The following TMCC3 variants were observed in gnomAD, a reference collection of about 807,000 sequenced individuals.
The protein encoded by TMCC3 is transmembrane and coiled-coil domain protein 3.
A neutral mutation model predicts 40.2 loss-of-function variants in TMCC3; 28 were observed. The observed-to-expected ratio is 0.70, with a 90% CI of 0.52 to 0.95. The LOEUF (loss-of-function observed/expected upper bound fraction) is 0.95. TMCC3 is among the 40% of genes least tolerant of loss of function. The pLI, the probability that TMCC3 is intolerant of heterozygous loss-of-function variation, is 0.00. For synonymous variants in TMCC3, 255 were observed against 248.5 expected, an observed-to-expected ratio of 1.03 and a Z score of -0.25; for missense variants, 554 against 615.2, an observed-to-expected ratio of 0.90 and a Z score of 1.05.
intron 1 of TMCC3, among the ~76,000 whole-genome samples, chr12:94,593,319 A>G (rs552920715): frequency 4.0e-5 from 6 of 149,744 alleles, no homozygotes; most frequent in African/African-American, 1.5e-4. Flanking sequence ...GTGAGCCAAG[A>G]CTGTGCCACT....
intron 1 of TMCC3, among the ~76,000 whole-genome samples, chr12:94,603,873 CAATG>C (rs1456988790): frequency 9.2e-5 from 14 of 151,908 alleles, no homozygotes; most frequent in Middle Eastern, 3.4e-3. Context: ...TACAAATGCA[CAATG>C]AATAAATGTT....
chr12:94,595,738 T>C (rs564742725), intron 1 of TMCC3, among the ~76,000 whole-genome samples: 71 of 152,334 alleles, frequency 4.7e-4, no homozygotes, highest in African/African-American at 1.4e-3. Flanking sequence ...CCTTTTGCAA[T>C]GCTGAAGCTA....
At chr12:94,590,824 G>A in intron 1 of TMCC3, 1 of 508,410 alleles carries the variant, frequency 2.0e-6, no homozygotes, top group South Asian at 1.7e-5. Context: ...CTGAAACATG[G>A]GGGACGATGT....
At chr12:94,625,883 T>G (rs1006558409) in intron 1 of TMCC3, among the ~76,000 whole-genome samples, 2 of 152,222 alleles carry the variant, frequency 1.3e-5, no homozygotes, top group Non-Finnish European at 2.9e-5. Context: ...TTTGAGATTT[T>G]CATAATAAAA....
chr12:94,620,978 AAAAAGAACAC>A (rs1323054947), intron 1 of TMCC3, among the ~76,000 whole-genome samples: 1 of 151,256 alleles, frequency 6.6e-6, no homozygotes, highest in African/African-American at 2.4e-5. Flanking sequence ...CCTAAACCTT[AAAAAGAACAC>A]AAAATCCTTC....
chr12:94,576,485 T>C (rs1193844882), intron 3 of TMCC3, among the ~76,000 whole-genome samples: 2 of 151,908 alleles, frequency 1.3e-5, no homozygotes, highest in African/African-American at 4.8e-5. Context: ...GCTTGAAGAG[T>C]ACTTTTTTAA....
intron 1 of TMCC3, among the ~76,000 whole-genome samples, chr12:94,645,151 T>G (rs1416305458): frequency 6.6e-6 from 1 of 152,166 alleles, no homozygotes; most frequent in Non-Finnish European, 1.5e-5. Flanking sequence ...ACACAGAAGG[T>G]GCTCAGTAAG....
intron 1 of TMCC3, among the ~76,000 whole-genome samples, chr12:94,634,006 T>C (rs923265634): frequency 1.3e-5 from 2 of 151,718 alleles, no homozygotes; most frequent in Non-Finnish European, 2.9e-5. Context: ...AGTACAATGG[T>C]GTGACCTCAG....
At chr12:94,628,643 G>A (rs866561256) in intron 1 of TMCC3, among the ~76,000 whole-genome samples, 1 of 152,188 alleles carries the variant, frequency 6.6e-6, no homozygotes, top group African/African-American at 2.4e-5. Flanking sequence ...GTGCAACAGC[G>A]AGATGGACCC....
At chr12:94,631,497 C>T (rs182324146) in intron 1 of TMCC3, among the ~76,000 whole-genome samples, 44 of 152,136 alleles carry the variant, frequency 2.9e-4, no homozygotes, top group African/African-American at 9.4e-4. Flanking sequence ...AGGAGAAAGA[C>T]GGCCACCTAC....
In TMCC3 at chr12:94,569,735, T is replaced by C. The variant is rs1288817094; in HGVS notation, c.*1700A>G. On this transcript the variant is annotated 3_prime_UTR_variant, in exon 4 of 4. Transcript: ENST00000261226. Reference sequence around the variant, plus strand: ...TCAACGATTCCATTCTCTCAGACTATGGAACATTCTGTCACATTTTTTTCC... The same window carrying C: ...TCAACGATTCCATTCTCTCAGACTACGGAACATTCTGTCACATTTTTTTCC... 3.9e-5 allele frequency: 6 copies of C among 152,306 alleles called. No individual in the cohort carries two copies. The highest frequency in any genetic ancestry group is 7.4e-5 in the Non-Finnish European group (5 of 68,022). 9.4% of individuals were successfully genotyped at this position (152,306 alleles called of 1,614,324 possible). A position where few individuals can be genotyped will look rare whatever the true frequency, so the allele number is the denominator to read the frequency against.
intron 1 of TMCC3, among the ~76,000 whole-genome samples, chr12:94,596,877 C>T (rs1594278748): frequency 6.6e-6 from 1 of 152,004 alleles, no homozygotes; most frequent in African/African-American, 2.4e-5. Context: ...TCAAAACAGA[C>T]CGAACCACGA....
intron 1 of TMCC3, among the ~76,000 whole-genome samples, chr12:94,583,152 A>G (rs2068617033): frequency 6.7e-6 from 1 of 149,378 alleles, no homozygotes; most frequent in South Asian, 2.2e-4. Context: ...GTATTTAGAT[A>G]TGGAAACAAC....
chr12:94,587,442 C>T (rs575826753), intron 1 of TMCC3, among the ~76,000 whole-genome samples: 1 of 152,306 alleles, frequency 6.6e-6, no homozygotes, highest in East Asian at 1.9e-4. Flanking sequence ...AGCCCAAGGG[C>T]TCCGGAAACA....
intron 1 of TMCC3, among the ~76,000 whole-genome samples, chr12:94,599,349 T>C (rs907044118): frequency 6.6e-6 from 1 of 152,096 alleles, no homozygotes; most frequent in African/African-American, 2.4e-5. Context: ...TCACCATCAT[T>C]AAGCTCTTTC....
chr12:94,621,464 T>G (rs570962614), intron 1 of TMCC3, among the ~76,000 whole-genome samples: 4 of 152,300 alleles, frequency 2.6e-5, no homozygotes, highest in African/African-American at 7.2e-5. Context: ...TCCAAGTAGT[T>G]TGAAACTATT....
intron 1 of TMCC3, among the ~76,000 whole-genome samples, chr12:94,618,614 T>A (rs1322354250): frequency 6.6e-6 from 1 of 152,170 alleles, no homozygotes; most frequent in Non-Finnish European, 1.5e-5. Flanking sequence ...GCCTCAAGCA[T>A]GACCAGTTTG....
At chr12:94,588,948 C>T (rs967689417) in intron 1 of TMCC3, among the ~76,000 whole-genome samples, 2 of 151,966 alleles carry the variant, frequency 1.3e-5, no homozygotes, top group Admixed American at 6.6e-5. Flanking sequence ...CTCAGCCTCC[C>T]GAGTAGCTGG....
At chr12:94,572,035 C>T (rs556736435) in intron 3 of TMCC3, among the ~76,000 whole-genome samples, 1 of 152,284 alleles carries the variant, frequency 6.6e-6, no homozygotes, top group South Asian at 2.1e-4. Context: ...TAGTCTTGCT[C>T]TGTCGCCAGG....
Sources: allele counts gnomAD v4.1 joint callset (sites outside exome capture counted in the v4.1 genomes callset), GRCh38; gene constraint gnomAD v4.1.1; transcripts MANE v1.5; gene names NCBI Gene and HGNC (gene_info 2026-07-23, HGNC 2026-07-21).